HEBP1: variants seen among roughly 807,000 people sequenced by gnomAD.
HEBP1 encodes the protein heme binding protein 1.
Under a neutral mutation model 20.4 loss-of-function variants are expected in HEBP1, and 13 were observed. The observed-to-expected ratio is 0.64, with a 90% CI of 0.42 to 1.01. HEBP1 has a LOEUF of 1.01. Among genes scored for constraint, HEBP1 ranks in the 50% least tolerant of loss-of-function variants. HEBP1 has a pLI of 0.00. For missense variants in HEBP1, 241 were observed against 247.3 expected (o/e 0.97, Z 0.17); for synonymous variants, 92 against 90.7 (o/e 1.01, Z -0.08).
rs377118714 is a variant in HEBP1 at position 12,993,457 on chromosome 12, AGT to A, written c.79-4044_79-4043del. Among the ~76,000 whole-genome samples the A allele has an allele frequency of 6.4e-4, 91 of 142,662 alleles. No homozygotes were observed. In the East Asian group the frequency reaches 0.013, roughly 20 times the overall value. 93.6% of individuals were successfully genotyped at this position (142,662 alleles called of 152,430 possible). A position where few individuals can be genotyped will look rare whatever the true frequency, so the allele number is the denominator to read the frequency against. On this transcript the variant is annotated intron_variant, in intron 1 of 3. Transcript: ENST00000014930. ...CGATCCACCTATGTCAGCCTTCCAA[AGT>A]GTCTTTGCTTTTTTTTTTTTTCTTT...
In HEBP1 at chr12:12,998,217, A is replaced by G. The variant is rs905797293; in HGVS notation, c.78+1820T>C. Among the ~76,000 whole-genome samples, 10 of 152,144 alleles carry G rather than the reference A, an allele frequency of 6.6e-5. No homozygotes were observed. The highest frequency in any genetic ancestry group is 2.4e-4 in the African/African-American group (10 of 41,428). On this transcript the variant is annotated intron_variant, in intron 1 of 3. Transcript: ENST00000014930. This position sits in a 1 kb window ranked among gnomAD's most constrained non-coding sequence, Gnocchi z 4.2. Reference sequence around the variant, plus strand: ...TTATTTGTTCATTAGCCAATAAAACATAAGTTCCATGAGGGCAGAGAATTT... The same window carrying G: ...TTATTTGTTCATTAGCCAATAAAACGTAAGTTCCATGAGGGCAGAGAATTT...
intron 2 of HEBP1, among the ~76,000 whole-genome samples, chr12:12,987,636 T>TCTC (rs1864171072): frequency 6.3e-5 from 3 of 47,694 alleles, no homozygotes; most frequent in Non-Finnish European, 1.2e-4. Flanking sequence ...CTCTCTCTCT[T>TCTC]TCTTTCTTTC....
At chr12:12,987,739 C>A (rs532547478) in intron 2 of HEBP1, among the ~76,000 whole-genome samples, 1 of 152,006 alleles carries the variant, frequency 6.6e-6, no homozygotes, top group Non-Finnish European at 1.5e-5. Context: ...TGGGTTCAAG[C>A]GATTCTTGTG....
intron 1 of HEBP1, among the ~76,000 whole-genome samples, chr12:12,997,980 G>T (rs1397282436): frequency 6.6e-6 from 1 of 152,156 alleles, no homozygotes; most frequent in Admixed American, 6.5e-5. Flanking sequence ...CGGATAGACA[G>T]CTCTCTGTGT....
At chr12:12,976,984 G>A (rs1439911117) in intron 3 of HEBP1, among the ~76,000 whole-genome samples, 1 of 152,188 alleles carries the variant, frequency 6.6e-6, no homozygotes, top group Non-Finnish European at 1.5e-5. Context: ...CAGGTGTTGA[G>A]TGCTCTCTGC....
At chr12:12,978,342 C>T (rs1864026936) in intron 3 of HEBP1, among the ~76,000 whole-genome samples, 1 of 150,010 alleles carries the variant, frequency 6.7e-6, no homozygotes, top group Admixed American at 6.7e-5. Flanking sequence ...TCCCGAGTAG[C>T]TGGGACTACA....
intron 1 of HEBP1, among the ~76,000 whole-genome samples, chr12:12,993,160 TTCCTTC>T (rs1166307174): frequency 0.023 from 2,580 of 112,208 alleles, 67 homozygotes; most frequent in East Asian, 0.16. Flanking sequence ...CCTTCCTTCC[TTCCTTC>T]CTCTCTCTCT....
intron 3 of HEBP1, chr12:12,980,076 A>G (rs537842971): frequency 3.9e-5 from 6 of 152,368 alleles, no homozygotes; most frequent in South Asian, 2.1e-4. Flanking sequence ...TTTAACATCA[A>G]TGGATCAGCA....
intron 3 of HEBP1, chr12:12,983,224 C>T (rs1415328400): frequency 6.5e-6 from 1 of 153,962 alleles, no homozygotes; most frequent in Non-Finnish European, 1.4e-5. Context: ...CAAACTCTAA[C>T]TTAAGTGCAT....
intron 3 of HEBP1, among the ~76,000 whole-genome samples, chr12:12,981,465 G>A (rs751015239): frequency 4.6e-5 from 7 of 152,138 alleles, no homozygotes; most frequent in Admixed American, 1.3e-4. Context: ...GCTATCAGGG[G>A]GAGAGAAAAT....
chr12:12,977,554 C>T (rs1158703822), intron 3 of HEBP1: 2 of 152,166 alleles, frequency 1.3e-5, no homozygotes, highest in Non-Finnish European at 2.9e-5. Flanking sequence ...CACTGCATTC[C>T]AGCCTGGACA....
intron 1 of HEBP1, among the ~76,000 whole-genome samples, chr12:12,989,749 A>G (rs1039274377): frequency 6.3e-5 from 8 of 127,488 alleles, no homozygotes; most frequent in African/African-American, 2.0e-4. Flanking sequence ...AATTCAGTAA[A>G]CAGGTTGGAA....
intron 3 of HEBP1, chr12:12,984,010 A>AATAAT (rs1460419785): frequency 3.6e-6 from 1 of 276,774 alleles, no homozygotes; most frequent in African/African-American, 2.2e-5. Flanking sequence ...CATCAATAAG[A>AATAAT]ATAATATCTG....
chr12:12,987,007 T>G, intron 3 of HEBP1, 145 bp downstream of exon 3: 6 of 707,978 alleles, frequency 8.5e-6, no homozygotes, highest in South Asian at 1.9e-5. Flanking sequence ...GAAATTAAAA[T>G]GAGAAACTGT....
In HEBP1 at chr12:12,996,652, A is replaced by T. The variant is rs918668246; in HGVS notation, c.78+3385T>A. On this transcript the variant is annotated intron_variant, in intron 1 of 3. Transcript: ENST00000014930. The surrounding 1 kb of genome is among the most constrained non-coding windows in gnomAD (Gnocchi z 4.1). Reference sequence around the variant, plus strand: ...TAATACCTTTATGTTTGTATATTTAAAAAAAAAAAGGTTTACAAGTATCTA... The same window carrying T: ...TAATACCTTTATGTTTGTATATTTATAAAAAAAAAGGTTTACAAGTATCTA... Among the ~76,000 whole-genome samples, 18 of 17,082 alleles carry T rather than the reference A, an allele frequency of 1.1e-3. No homozygotes were observed. The East Asian group carries it at 0.21, about 198-fold the overall frequency. The allele number at this position is 17,082 out of a possible 152,430, so 11.2% of individuals were successfully genotyped here.
intron 1 of HEBP1, among the ~76,000 whole-genome samples, chr12:12,993,345 T>G (rs1454072861): frequency 6.6e-6 from 1 of 152,084 alleles, no homozygotes; most frequent in Non-Finnish European, 1.5e-5. Context: ...CAGCTAATTT[T>G]TTTTGTATTT....
At chr12:12,989,538 A>T (rs1864192679) in intron 1 of HEBP1, 123 bp from the exon 2 acceptor site, 2 of 784,158 alleles carry the variant, frequency 2.6e-6, no homozygotes, top group Non-Finnish European at 4.1e-6. Flanking sequence ...CAGAAGGGAC[A>T]GGCCTGAGTA....
intron 3 of HEBP1, chr12:12,983,897 A>G (rs1047232209): frequency 3.5e-5 from 14 of 394,760 alleles, no homozygotes; most frequent in Non-Finnish European, 7.1e-5. Flanking sequence ...ATCTCATTAT[A>G]CCAGCAAGCC....
chr12:12,990,575 T>C (rs1479004902), intron 1 of HEBP1, among the ~76,000 whole-genome samples: 1 of 152,166 alleles, frequency 6.6e-6, no homozygotes, highest in Admixed American at 6.5e-5. Flanking sequence ...CTTGTGGGAT[T>C]CCTGGGCTTA....
Sources: allele counts gnomAD v4.1 joint callset (sites outside exome capture counted in the v4.1 genomes callset), GRCh38; gene constraint gnomAD v4.1.1; non-coding constraint Gnocchi (gnomAD v3.1); transcripts MANE v1.5; gene names NCBI Gene and HGNC (gene_info 2026-07-23, HGNC 2026-07-21).